The following PIK3C2G variants were observed in gnomAD, a reference collection of about 807,000 sequenced individuals.
PIK3C2G encodes the protein phosphatidylinositol-4-phosphate 3-kinase catalytic subunit type 2 gamma.
Under a neutral mutation model 181.1 loss-of-function variants are expected in PIK3C2G, and 168 were observed. That is an observed-to-expected ratio of 0.93 (90% confidence interval 0.82 to 1.05). The LOEUF (loss-of-function observed/expected upper bound fraction) is 1.05. Among genes scored for constraint, PIK3C2G ranks in the 50% least tolerant of loss-of-function variants. The pLI is 0.00. For missense variants in PIK3C2G, 1,869 were observed against 1,732.8 expected (o/e 1.08, Z -1.40); for synonymous variants, 573 against 592.2 (o/e 0.97, Z 0.47).
chr12:18,296,160 T>C (rs951519648), intron 5 of PIK3C2G, among the ~76,000 whole-genome samples: 1 of 152,096 alleles, frequency 6.6e-6, no homozygotes, highest in African/African-American at 2.4e-5. Context: ...GTTAAGACCC[T>C]ATATTTCTCA....
At chr12:18,684,170 A>G in the PIK3C2G span, 6 of 1,612,182 alleles carry the variant, frequency 3.7e-6, no homozygotes, top group Non-Finnish European at 5.1e-6. Context: ...ATTGCCCAAG[A>G]AATTCATTTC....
At chr12:18,522,807 A>G (rs2136188112) in intron 24 of PIK3C2G, among the ~76,000 whole-genome samples, 1 of 152,118 alleles carries the variant, frequency 6.6e-6, no homozygotes, top group East Asian at 1.9e-4. Flanking sequence ...TTTCATCATT[A>G]TTTTATTAAA....
At chr12:18,435,552 G>C (rs1946400754) in intron 18 of PIK3C2G, among the ~76,000 whole-genome samples, 1 of 152,120 alleles carries the variant, frequency 6.6e-6, no homozygotes, top group Admixed American at 6.6e-5. Context: ...ATTAGGGTAT[G>C]AGATCCATGT....
At chr12:18,638,024 A>T (rs1949679669) in intron 31 of PIK3C2G, among the ~76,000 whole-genome samples, 1 of 152,122 alleles carries the variant, frequency 6.6e-6, no homozygotes, top group Admixed American at 6.5e-5. Context: ...CCATTATTTC[A>T]CACCCTTAGT....
chr12:18,604,915 C>T (rs1388443193), intron 30 of PIK3C2G, among the ~76,000 whole-genome samples: 1 of 151,988 alleles, frequency 6.6e-6, no homozygotes, highest in Non-Finnish European at 1.5e-5. Flanking sequence ...GAGGAAAGTT[C>T]CCAGCCTGCC....
At chr12:18,352,115 C>G (rs566740245) in intron 11 of PIK3C2G, among the ~76,000 whole-genome samples, 8 of 152,290 alleles carry the variant, frequency 5.3e-5, no homozygotes, top group African/African-American at 1.9e-4. Flanking sequence ...CCTAGGGATA[C>G]AGAGGACCAA....
chr12:18,638,333 G>C (rs1949691303), intron 31 of PIK3C2G, among the ~76,000 whole-genome samples: 2 of 152,210 alleles, frequency 1.3e-5, no homozygotes, highest in South Asian at 4.1e-4. Flanking sequence ...AGGTGAAGTA[G>C]AGGAGACACC....
the PIK3C2G span, chr12:18,685,754 T>G: frequency 2.4e-6 from 1 of 411,020 alleles, no homozygotes; most frequent in African/African-American, 2.0e-5. Flanking sequence ...TTATACTGAT[T>G]TCTTCTTCCT....
chr12:18,497,668 T>C lies in PIK3C2G; in HGVS notation c.2936T>C (p.Val979Ala), dbSNP rs370890818. The C allele has an allele frequency of 1.2e-6, 2 of 1,612,512 alleles. No individual in the cohort carries two copies. The highest frequency in any genetic ancestry group is 1.7e-5 in the Admixed American group (1 of 59,982). ...QDMLVLQLIQVMDNIWLQEGL... is the reference protein window; with the variant it reads ...QDMLVLQLIQAMDNIWLQEGL... The stretch of plus-strand genomic sequence containing the variant: ...ATGCTTGTTCTGCAGCTTATTCAAG[T>C]GATGGACAATATTTGGCTGCAGGAA... Residue 979 changes from valine to alanine, a missense_variant, in exon 22 of 33, where the codon GTG becomes GCG. Coordinates refer to ENST00000538779, the MANE Select transcript of PIK3C2G (RefSeq NM_001288772.2).
At chr12:18,456,526 C>T (rs1207151968) in intron 18 of PIK3C2G, among the ~76,000 whole-genome samples, 1 of 152,096 alleles carries the variant, frequency 6.6e-6, no homozygotes, top group Non-Finnish European at 1.5e-5. Context: ...CCAGGTGTGT[C>T]GTTTACATAG....
the PIK3C2G span, among the ~76,000 whole-genome samples, chr12:18,696,513 ATCAT>A: frequency 0.013 from 1,993 of 151,534 alleles, 24 homozygotes; most frequent in Non-Finnish European, 0.019. Context: ...ATGTACACTG[ATCAT>A]TCAAGGAAAA....
intron 8 of PIK3C2G, among the ~76,000 whole-genome samples, chr12:18,327,002 C>G (rs1384460286): frequency 6.6e-6 from 1 of 152,010 alleles, no homozygotes; most frequent in Non-Finnish European, 1.5e-5. Flanking sequence ...ATGTATGAAG[C>G]CTCCTATATT....
chr12:18,639,977 T>A (rs556399637), intron 31 of PIK3C2G, among the ~76,000 whole-genome samples: 28 of 151,722 alleles, frequency 1.8e-4, no homozygotes, highest in African/African-American at 6.8e-4. Context: ...TAAAATGTGA[T>A]ATTATATAAT....
chr12:18,322,637 A>G (rs1411658947), intron 7 of PIK3C2G, among the ~76,000 whole-genome samples: 1 of 152,174 alleles, frequency 6.6e-6, no homozygotes, highest in African/African-American at 2.4e-5. Flanking sequence ...TCTAGTCATC[A>G]GTGGCAGGAC....
intron 31 of PIK3C2G, among the ~76,000 whole-genome samples, chr12:18,632,157 T>A (rs1949377231): frequency 6.6e-6 from 1 of 151,984 alleles, no homozygotes. Flanking sequence ...TCCCAAAGAG[T>A]CAATAGTGCC....
In PIK3C2G at chr12:18,636,323, C is replaced by T. The variant is rs140018662; in HGVS notation, c.4183-4106C>T. ...TCTCGGCTCACCGCAACCTCTGCCT[C>T]GTGGGTTCAAAGGAATCTCCTGCCT... is the stretch of plus-strand genomic sequence containing the variant. On this transcript the variant is annotated intron_variant, in intron 31 of 32. Transcript: ENST00000538779. Among the ~76,000 whole-genome samples the T allele has an allele frequency of 5.7e-3, 868 of 152,264 alleles. 2 individuals are homozygous for T. Among genetic ancestry groups the T allele is most frequent in the Middle Eastern group, 0.014 (4 of 294 alleles).
At chr12:18,376,174 A>G (rs1479292765) in intron 13 of PIK3C2G, among the ~76,000 whole-genome samples, 1 of 152,230 alleles carries the variant, frequency 6.6e-6, no homozygotes, top group Non-Finnish European at 1.5e-5. Context: ...CTGGAATGGT[A>G]GAGCCACCAG....
intron 15 of PIK3C2G, among the ~76,000 whole-genome samples, chr12:18,399,078 C>G (rs1592157908): frequency 6.7e-6 from 1 of 149,358 alleles, no homozygotes; most frequent in African/African-American, 2.5e-5. Context: ...GCCTGTAGTC[C>G]CAGCTACTTG....
rs373464054 is a variant in PIK3C2G, at chr12:18,302,059, GA to G, written c.1034+8045del. On this transcript the variant is annotated intron_variant, in intron 5 of 32. Coordinates refer to ENST00000538779, the MANE Select transcript of PIK3C2G (RefSeq NM_001288772.2). ...GTGGTGAGGCTTTGCTAGGGACAAGGATACTGGGTGAATTAAACCTCAGCTT... is the reference window on the plus strand; with the variant it reads ...GTGGTGAGGCTTTGCTAGGGACAAGGTACTGGGTGAATTAAACCTCAGCTT... 4.0e-4 allele frequency among the ~76,000 whole-genome samples: 61 copies of G among 152,300 alleles called. No individual in the cohort carries two copies. In the East Asian group the frequency reaches 9.6e-3, roughly 24 times the overall value.
Sources: allele counts gnomAD v4.1 joint callset (sites outside exome capture counted in the v4.1 genomes callset), GRCh38; gene constraint gnomAD v4.1.1; transcripts MANE v1.5; gene names NCBI Gene and HGNC (gene_info 2026-07-23, HGNC 2026-07-21).